CAST: variants seen among roughly 807,000 people sequenced by gnomAD.
The protein encoded by CAST is MIR583 host.
CAST carries 76 observed loss-of-function variants against 119.6 expected under a neutral mutation model. The observed-to-expected ratio is 0.64, with a 90% CI of 0.53 to 0.77. CAST has a LOEUF of 0.77. Ranked by LOEUF, CAST falls within the 30% of genes least tolerant of loss-of-function variation. CAST has a pLI of 0.00. For missense variants in CAST, 953 were observed against 946.5 expected (o/e 1.01, Z -0.09); for synonymous variants, 319 against 331.6 (o/e 0.96, Z 0.41).
chr5:96,525,325 G>A (rs261968), upstream of CAST: 43,755 of 152,164 alleles, frequency 0.29, 7,176 homozygotes, highest in Middle Eastern at 0.38. Context: ...TCTCATGATG[G>A]TTCTTTCCCT....
At chr5:96,392,679 T>C in the CAST span, 1 of 254,118 alleles carries the variant, frequency 3.9e-6, no homozygotes, top group Non-Finnish European at 7.5e-6. Context: ...CCTTTTCTTT[T>C]GAGAATTGAA....
chr5:96,147,925 T>C, the CAST span, among the ~76,000 whole-genome samples: 1 of 152,238 alleles, frequency 6.6e-6, no homozygotes, highest in African/African-American at 2.4e-5. Context: ...TGAATCCCAC[T>C]GTTAGCTCAG....
rs144517082 is a variant in CAST, at chr5:96,760,092, A to G, written c.1834-2182A>G. Among the ~76,000 whole-genome samples, 377 of 152,164 alleles carry G rather than the reference A, an allele frequency of 2.5e-3. 6 individuals are homozygous for G. Among genetic ancestry groups the G allele is most frequent in the African/African-American group, 8.6e-3 (358 of 41,580 alleles). On this transcript the variant is annotated intron_variant, in intron 24 of 31. Coordinates refer to ENST00000675179, the MANE Select transcript of CAST (RefSeq NM_001750.7). ...AACACTCAGTTCTTATGTGGCATAAATATGTCATGAAAAAGATGGGGTCAC... is the reference window on the plus strand; with the variant it reads ...AACACTCAGTTCTTATGTGGCATAAGTATGTCATGAAAAAGATGGGGTCAC...
intron 1 of CAST, among the ~76,000 whole-genome samples, chr5:96,554,158 T>G (rs1023609575): frequency 1.3e-5 from 2 of 152,176 alleles, no homozygotes; most frequent in Admixed American, 1.3e-4. Flanking sequence ...CAAACTTTAC[T>G]ACAAGACTCC....
At chr5:96,401,075 G>T in the CAST span, among the ~76,000 whole-genome samples, 5 of 119,072 alleles carry the variant, frequency 4.2e-5, no homozygotes, top group African/African-American at 1.8e-4. Context: ...CTAAAGAGCG[G>T]GACTCCGTCT....
At chr5:96,081,489 C>T in the CAST span, among the ~76,000 whole-genome samples, 2 of 152,112 alleles carry the variant, frequency 1.3e-5, no homozygotes, top group African/African-American at 2.4e-5. Context: ...TCCTGAGGCC[C>T]AGTGTGGTGT....
At chr5:96,616,727 TC>T (rs1561431231) in intron 1 of CAST, among the ~76,000 whole-genome samples, 65 of 129,658 alleles carry the variant, frequency 5.0e-4, no homozygotes, top group African/African-American at 1.9e-3. Flanking sequence ...AAGCGCTCGC[TC>T]GCTCTCTCTC....
chr5:95,963,025 C>T, the CAST span, among the ~76,000 whole-genome samples: 8 of 152,212 alleles, frequency 5.3e-5, no homozygotes, highest in South Asian at 1.7e-3. Flanking sequence ...TGTGGATAGA[C>T]TGACAGATGG....
chr5:96,695,645 C>T, intron 2 of CAST, 191 bp from the exon 3 acceptor site: 1 of 451,994 alleles, frequency 2.2e-6, no homozygotes, highest in East Asian at 4.1e-5. Context: ...TCAACTTACT[C>T]TTCATTTCAA....
chr5:96,367,629 C>T, the CAST span, among the ~76,000 whole-genome samples: 7 of 152,224 alleles, frequency 4.6e-5, no homozygotes, highest in Middle Eastern at 6.8e-3. Flanking sequence ...GTGCCAGGCG[C>T]GGGATATAAT....
At chr5:96,299,760 T>G in the CAST span, among the ~76,000 whole-genome samples, 14 of 152,234 alleles carry the variant, frequency 9.2e-5, no homozygotes. Flanking sequence ...GTGAATTTTA[T>G]TTTCTATTGT....
chr5:96,494,791 G>A, the CAST span, among the ~76,000 whole-genome samples: 1 of 152,166 alleles, frequency 6.6e-6, no homozygotes, highest in Non-Finnish European at 1.5e-5. Context: ...GCAGGTGGAT[G>A]GGAAACTGAT....
At chr5:96,328,054 T>C in the CAST span, among the ~76,000 whole-genome samples, 1 of 152,360 alleles carries the variant, frequency 6.6e-6, no homozygotes, top group East Asian at 1.9e-4. Flanking sequence ...AGGACACATG[T>C]AGCTTTGGTT....
chr5:96,145,356 T>G, the CAST span, among the ~76,000 whole-genome samples: 1 of 150,002 alleles, frequency 6.7e-6, no homozygotes, highest in East Asian at 1.9e-4. Flanking sequence ...CTCCCTTAAC[T>G]AAACTCTATT....
At chr5:96,026,891 T>G in the CAST span, among the ~76,000 whole-genome samples, 1 of 152,184 alleles carries the variant, frequency 6.6e-6, no homozygotes, top group Non-Finnish European at 1.5e-5. Context: ...TTTGCAATAT[T>G]AAACAATTCC....
At chr5:96,479,945 G>T in the CAST span, among the ~76,000 whole-genome samples, 1 of 152,290 alleles carries the variant, frequency 6.6e-6, no homozygotes, top group Non-Finnish European at 1.5e-5. Flanking sequence ...TAAGTTGAGG[G>T]AAAGCTGAGC....
upstream of CAST, among the ~76,000 whole-genome samples, chr5:96,658,086 G>A (rs577383829): frequency 1.5e-4 from 23 of 151,968 alleles, no homozygotes; most frequent in African/African-American, 4.6e-4. Context: ...ACAACAGAGC[G>A]AGAGTCCATC....
chr5:95,978,076 T>G, the CAST span, among the ~76,000 whole-genome samples: 3 of 152,292 alleles, frequency 2.0e-5, no homozygotes, highest in African/African-American at 7.2e-5. Flanking sequence ...TGATTCCATG[T>G]CTTTACTATT....
At chr5:96,523,095 C>A, upstream of CAST, among the ~76,000 whole-genome samples, 1 of 152,258 alleles carries the variant, frequency 6.6e-6, no homozygotes. Flanking sequence ...AGCTATGCCA[C>A]CTGTAGTGCT....
Sources: allele counts gnomAD v4.1 joint callset (sites outside exome capture counted in the v4.1 genomes callset), GRCh38; gene constraint gnomAD v4.1.1; transcripts MANE v1.5; gene names NCBI Gene and HGNC (gene_info 2026-07-23, HGNC 2026-07-21).